MAPK10: variants seen among roughly 807,000 people sequenced by gnomAD.
MAPK10 encodes JNK3 alpha protein kinase.
Under a neutral mutation model 59.3 loss-of-function variants are expected in MAPK10, and 25 were observed. That is an observed-to-expected ratio of 0.42 (90% CI 0.31 to 0.59). The LOEUF is 0.59. MAPK10 is among the 20% of genes least tolerant of loss of function. The pLI is 0.15. For synonymous variants in MAPK10, 190 were observed against 200.5 expected, an observed-to-expected ratio of 0.95 and a Z score of 0.44; for missense variants, 351 against 568.9, an observed-to-expected ratio of 0.62 and a Z score of 3.90.
intron 2 of MAPK10, among the ~76,000 whole-genome samples, chr4:86,228,167 C>T (rs947030021): frequency 1.2e-4 from 19 of 152,080 alleles, no homozygotes; most frequent in African/African-American, 4.6e-4. Flanking sequence ...GATACCTGGT[C>T]CTGGGGTGAT....
intron 2 of MAPK10, chr4:86,340,305 T>A (rs1002602520): frequency 6.5e-6 from 1 of 152,706 alleles, no homozygotes; most frequent in Non-Finnish European, 1.5e-5. Context: ...AAAGACCAGA[T>A]AATTTATGAA....
intron 2 of MAPK10, chr4:86,277,334 A>G (rs896184495): frequency 1.3e-5 from 2 of 152,094 alleles, no homozygotes; most frequent in African/African-American, 4.8e-5. Context: ...ACTGGGGGGA[A>G]GAAAAAGGAA....
intron 1 of MAPK10, among the ~76,000 whole-genome samples, chr4:86,472,735 A>T (rs908292075): frequency 5.3e-5 from 8 of 152,212 alleles, no homozygotes; most frequent in African/African-American, 9.6e-5. Context: ...TATAGGGGTG[A>T]GGCAGGAAAA....
At chr4:86,178,963 G>T (rs911462365) in intron 3 of MAPK10, among the ~76,000 whole-genome samples, 1 of 152,110 alleles carries the variant, frequency 6.6e-6, no homozygotes, top group East Asian at 1.9e-4. Flanking sequence ...AGCACTTTGG[G>T]AGGCCAAGGT....
chr4:86,578,783 C>A (rs562922874), intron 1 of MAPK10, among the ~76,000 whole-genome samples: 51 of 151,682 alleles, frequency 3.4e-4, no homozygotes, highest in Non-Finnish European at 4.6e-4. Flanking sequence ...AATAAGAGAA[C>A]TTTTGTCTTG....
chr4:86,577,507 G>A (rs575745098), intron 1 of MAPK10, among the ~76,000 whole-genome samples: 4 of 152,092 alleles, frequency 2.6e-5, no homozygotes, highest in Non-Finnish European at 5.9e-5. Context: ...ACATATTAGA[G>A]TAGGAGAATG....
At chr4:86,536,016 A>G (rs1253028268) in intron 1 of MAPK10, among the ~76,000 whole-genome samples, 1 of 152,248 alleles carries the variant, frequency 6.6e-6, no homozygotes, top group Non-Finnish European at 1.5e-5. Context: ...TAATGCAATA[A>G]GGAAGAAATA....
At chr4:86,315,915 A>T (rs1201951755) in intron 2 of MAPK10, among the ~76,000 whole-genome samples, 1 of 152,188 alleles carries the variant, frequency 6.6e-6, no homozygotes, top group African/African-American at 2.4e-5. Context: ...GAAATACAAA[A>T]TAAAGTATTA....
At chr4:86,387,824 T>G (rs867073813) in intron 1 of MAPK10, among the ~76,000 whole-genome samples, 9 of 152,134 alleles carry the variant, frequency 5.9e-5, no homozygotes, top group Admixed American at 5.2e-4. Context: ...GTTGTTTATG[T>G]TTTAACTGGA....
At chr4:86,166,982 A>G (rs2071974784) in intron 3 of MAPK10, among the ~76,000 whole-genome samples, 1 of 152,178 alleles carries the variant, frequency 6.6e-6, no homozygotes, top group Non-Finnish European at 1.5e-5. Flanking sequence ...TAGCTAGACT[A>G]ATAAAGAAGA....
intron 9 of MAPK10, among the ~76,000 whole-genome samples, chr4:86,069,735 C>G (rs923032113): frequency 1.3e-5 from 2 of 152,068 alleles, no homozygotes; most frequent in African/African-American, 2.4e-5. Context: ...CCTCAAAATT[C>G]TAACCACTCG....
intron 1 of MAPK10, among the ~76,000 whole-genome samples, chr4:86,575,974 A>G (rs146304841): frequency 2.6e-4 from 39 of 147,280 alleles, no homozygotes; most frequent in African/African-American, 9.4e-4. Context: ...GCTAGGTAAC[A>G]TAACATAATA....
At chr4:86,397,864 C>CAAAAAAAAA (rs759585442) in intron 1 of MAPK10, among the ~76,000 whole-genome samples, 1 of 51,754 alleles carries the variant, frequency 1.9e-5, no homozygotes, top group African/African-American at 6.1e-5. Flanking sequence ...TCTGCTATGG[C>CAAAAAAAAA]AAAAAAAAAA....
At chr4:86,478,057 A>T (rs1753268802) in intron 1 of MAPK10, among the ~76,000 whole-genome samples, 2 of 152,278 alleles carry the variant, frequency 1.3e-5, no homozygotes, top group East Asian at 3.9e-4. Flanking sequence ...TTCCCCACCG[A>T]TTGTGTCCAA....
At chr4:86,351,267 T>C (rs1731188937) in intron 2 of MAPK10, among the ~76,000 whole-genome samples, 1 of 151,802 alleles carries the variant, frequency 6.6e-6, no homozygotes, top group Non-Finnish European at 1.5e-5. Flanking sequence ...TATATATATA[T>C]ATACACACAC....
intron 11 of MAPK10, among the ~76,000 whole-genome samples, chr4:86,054,322 T>C (rs977854217): frequency 1.3e-5 from 2 of 152,158 alleles, no homozygotes; most frequent in Non-Finnish European, 2.9e-5. Flanking sequence ...GCTAACTCTA[T>C]CTACAACAAA....
intron 2 of MAPK10, among the ~76,000 whole-genome samples, chr4:86,309,474 A>G (rs2095629346): frequency 6.6e-6 from 1 of 152,212 alleles, no homozygotes; most frequent in South Asian, 2.1e-4. Flanking sequence ...TGCAGCCTAC[A>G]TTCAACAGTC....
intron 1 of MAPK10, among the ~76,000 whole-genome samples, chr4:86,570,802 T>C (rs1443198695): frequency 6.6e-6 from 1 of 152,114 alleles, no homozygotes; most frequent in East Asian, 1.9e-4. Flanking sequence ...AAAAACTAAA[T>C]AGGAGTTAAC....
chr4:86,184,932 T>G (rs1042538605), intron 3 of MAPK10, among the ~76,000 whole-genome samples: 1 of 152,182 alleles, frequency 6.6e-6, no homozygotes, highest in African/African-American at 2.4e-5. Context: ...TTGTGAGTTC[T>G]GCAGTACAGC....
Sources: gnomAD v4.1 joint callset for allele counts (sites outside exome capture counted in the v4.1 genomes callset) on GRCh38, gnomAD v4.1.1 for gene constraint, MANE v1.5 for transcripts, NCBI Gene and HGNC (gene_info 2026-07-23, HGNC 2026-07-21) for gene names.